Variants in TNFRSF8 observed in about 807,000 individuals in gnomAD.
TNFRSF8 encodes tumor necrosis factor receptor superfamily member 8.
A neutral mutation model predicts 70.8 loss-of-function variants in TNFRSF8; 26 were observed. That is an observed-to-expected ratio of 0.37 (90% CI 0.27 to 0.51). TNFRSF8 has a LOEUF of 0.51. Among genes scored for constraint, TNFRSF8 ranks in the 20% least tolerant of loss-of-function variants. The probability of loss-of-function intolerance (pLI) is 0.94; values close to 1 mark genes in which losing one functional copy is unlikely to be tolerated. For missense variants in TNFRSF8, 720 were observed against 807.9 expected (o/e 0.89, Z 1.32); for synonymous variants, 356 against 339.2 (o/e 1.05, Z -0.54).
chr1:12,097,265 G>A (rs746909715), intron 3 of TNFRSF8, 48 bp downstream of exon 3: 2 of 1,439,862 alleles, frequency 1.4e-6, no homozygotes, highest in South Asian at 1.1e-5. Context: ...GGAGCATGAG[G>A]GGTCCTCAGA....
Position 12,109,417 on chromosome 1 carries a change from ACGGGTGCCAGG to A in TNFRSF8, c.422-139_422-129del. ...ATAGGCTGCTTTACTCTGAAGGGGA[ACGGGTGCCAGG>A]CGGGTGCCACCTCCAGATGACTGCT... On this transcript the variant is annotated intron_variant, in intron 4 of 14. Transcript: ENST00000263932. This position sits in a 1 kb window ranked among gnomAD's most constrained non-coding sequence, Gnocchi z 4.4. The A allele has an allele frequency of 1.6e-6, 1 of 611,530 alleles. No homozygotes were observed. Among genetic ancestry groups the A allele is most frequent in the Non-Finnish European group, 2.9e-6 (1 of 343,112 alleles). The allele number at this position is 611,530 out of a possible 1,614,324, so 37.9% of individuals were successfully genotyped here.
chr1:12,110,242 G>A lies in TNFRSF8; in HGVS notation c.676+38G>A, dbSNP rs1463646855. Reference sequence around the variant, plus strand: ...TGAAGCTGTGGGTCGTCTCCCTGGGGTGCTCGATTGGTGGATGGCCCATGA... The same window carrying A: ...TGAAGCTGTGGGTCGTCTCCCTGGGATGCTCGATTGGTGGATGGCCCATGA... On this transcript the variant is annotated intron_variant, in intron 6 of 14. Transcript: ENST00000263932. This position sits in a 1 kb window ranked among gnomAD's most constrained non-coding sequence, Gnocchi z 4.0. The A allele has an allele frequency of 6.5e-7, 1 of 1,534,702 alleles. No homozygotes were observed.
intron 2 of TNFRSF8, among the ~76,000 whole-genome samples, chr1:12,094,058 CAAA>C (rs778868213): frequency 2.5e-4 from 21 of 84,684 alleles, no homozygotes; most frequent in African/African-American, 5.7e-4. Flanking sequence ...GACTTTGTCT[CAAA>C]AAAAAAAAAA....
intron 1 of TNFRSF8, among the ~76,000 whole-genome samples, chr1:12,070,543 T>G (rs1640824362): frequency 6.6e-6 from 1 of 152,200 alleles, no homozygotes; most frequent in South Asian, 2.1e-4. Flanking sequence ...CAGTTTGGTC[T>G]CAAACTCCCA....
intron 13 of TNFRSF8, among the ~76,000 whole-genome samples, chr1:12,136,446 C>T (rs546708930): frequency 3.3e-5 from 5 of 151,906 alleles, no homozygotes; most frequent in Admixed American, 3.3e-4. Flanking sequence ...GTCAGGAGTT[C>T]GAGACCAGCC....
In TNFRSF8 at chr1:12,115,842, G is replaced by A. The variant is rs1023273581; in HGVS notation, c.946+113G>A. 3.4e-6 allele frequency: 4 copies of A among 1,178,240 alleles called. No homozygotes were observed. The African/African-American group carries it at 4.7e-5, about 14-fold the overall frequency. The allele number at this position is 1,178,240 out of a possible 1,614,324, so 73.0% of individuals were successfully genotyped here. Reference sequence around the variant, plus strand: ...AGGCAAATGACCTACACCCTCGGCTGTTCATTAGGTCAGGTTTGGGTTCTG... The same window carrying A: ...AGGCAAATGACCTACACCCTCGGCTATTCATTAGGTCAGGTTTGGGTTCTG... On this transcript the variant is annotated intron_variant, in intron 8 of 14. Coordinates refer to ENST00000263932, the MANE Select transcript of TNFRSF8 (RefSeq NM_001243.5).
At position 12,143,073 on chromosome 1, in the gene TNFRSF8, A is replaced by ACC; in HGVS notation, c.*542_*543insCC. 6.5e-6 allele frequency: 1 copy of ACC among 154,384 alleles called. No individual in the cohort carries two copies. Among genetic ancestry groups the ACC allele is most frequent in the South Asian group, 1.9e-4 (1 of 5,162 alleles). The allele number at this position is 154,384 out of a possible 1,614,324, so 9.6% of individuals were successfully genotyped here. A position where few individuals can be genotyped will look rare whatever the true frequency, so the allele number is the denominator to read the frequency against. On this transcript the variant is annotated 3_prime_UTR_variant, in exon 15 of 15. Coordinates refer to ENST00000263932, the MANE Select transcript of TNFRSF8 (RefSeq NM_001243.5). This position sits in a 1 kb window ranked among gnomAD's most constrained non-coding sequence, Gnocchi z 4.1. ...GGTTGTTTCTCCAGAGTCAAAAGGG[A>ACC]AGTCGAGGGATGGGGCGTCGTCAGC...
chr1:12,066,189 G>T, intron 1 of TNFRSF8, among the ~76,000 whole-genome samples: 1 of 152,042 alleles, frequency 6.6e-6, no homozygotes, highest in Non-Finnish European at 1.5e-5. Context: ...TCATTTCTTG[G>T]CAGGAGTCAG....
intron 1 of TNFRSF8, among the ~76,000 whole-genome samples, chr1:12,078,687 A>G (rs1030257751): frequency 6.6e-6 from 1 of 152,154 alleles, no homozygotes; most frequent in African/African-American, 2.4e-5. Context: ...GCACGTGCCA[A>G]ATCCTGGCCC....
intron 14 of TNFRSF8, among the ~76,000 whole-genome samples, chr1:12,140,322 A>T (rs1227725120): frequency 6.6e-6 from 1 of 152,168 alleles, no homozygotes; most frequent in Non-Finnish European, 1.5e-5. Flanking sequence ...ATGCCAGCCC[A>T]GGGTAGCGTT....
rs952025940 is a variant in TNFRSF8 at position 12,115,430 on chromosome 1, A to T, written c.794-147A>T. 3.0e-5 allele frequency: 26 copies of T among 873,504 alleles called. No homozygotes were observed. In the African/African-American group the frequency reaches 3.2e-4, roughly 11 times the overall value. The allele number at this position is 873,504 out of a possible 1,614,324, so 54.1% of individuals were successfully genotyped here. ...AGAATTATTTTGAGCATGCTGGGAGAGCTGCTCAACGGCATAGTCAGACGA... is the reference window on the plus strand; with the variant it reads ...AGAATTATTTTGAGCATGCTGGGAGTGCTGCTCAACGGCATAGTCAGACGA... On this transcript the variant is annotated intron_variant, in intron 7 of 14. Transcript: ENST00000263932.
intron 8 of TNFRSF8, among the ~76,000 whole-genome samples, chr1:12,118,255 C>T (rs1377570586): frequency 2.0e-5 from 3 of 152,016 alleles, no homozygotes; most frequent in Admixed American, 1.3e-4. Context: ...GGATTACAGG[C>T]GTGCACCACC....
chr1:12,108,145 C>A lies in TNFRSF8; in HGVS notation c.422-1421C>A, dbSNP rs952569541. On this transcript the variant is annotated intron_variant, in intron 4 of 14. Coordinates refer to ENST00000263932, the MANE Select transcript of TNFRSF8 (RefSeq NM_001243.5). This position sits in a 1 kb window ranked among gnomAD's most constrained non-coding sequence, Gnocchi z 4.0. ...CCAGACTAGAGTGCAATGGTGTGAT[C>A]TCAGCTCACTGCAACCTCTGCCTCC... Among the ~76,000 whole-genome samples the A allele has an allele frequency of 1.3e-5, 2 of 150,218 alleles. No homozygotes were observed. The highest frequency in any genetic ancestry group is 3.0e-5 in the Non-Finnish European group (2 of 67,774).
chr1:12,105,451 C>T (rs1206436600), intron 4 of TNFRSF8, among the ~76,000 whole-genome samples: 2 of 152,056 alleles, frequency 1.3e-5, no homozygotes, highest in East Asian at 1.9e-4. Context: ...ACCTTCTCAC[C>T]CCGAATACCT....
rs915782375 is a variant in TNFRSF8, at chr1:12,142,184, C to T, written c.1544-103C>T. 14 of 1,442,032 alleles carry T rather than the reference C, an allele frequency of 9.7e-6. No individual in the cohort carries two copies. The highest frequency in any genetic ancestry group is 5.7e-5 in the African/African-American group (4 of 69,772). The allele number at this position is 1,442,032 out of a possible 1,614,324, so 89.3% of individuals were successfully genotyped here. A position where few individuals can be genotyped will look rare whatever the true frequency, so the allele number is the denominator to read the frequency against. On this transcript the variant is annotated intron_variant, in intron 14 of 14. Coordinates refer to ENST00000263932, the MANE Select transcript of TNFRSF8 (RefSeq NM_001243.5). The surrounding 1 kb of genome is among the most constrained non-coding windows in gnomAD (Gnocchi z 5.0). ...GCTGTGCCATCAGCCTGAAGCCACC[C>T]GGCAGGTGTACCAGCACTGGGCCTC...
intron 3 of TNFRSF8, among the ~76,000 whole-genome samples, chr1:12,103,325 A>G (rs924790144): frequency 1.3e-5 from 2 of 152,048 alleles, no homozygotes; most frequent in Admixed American, 6.6e-5. Context: ...ATTGCACTCC[A>G]ACCTGGGTGA....
chr1:12,100,979 T>C (rs1443307272), intron 3 of TNFRSF8, among the ~76,000 whole-genome samples: 2 of 150,676 alleles, frequency 1.3e-5, no homozygotes, highest in Admixed American at 6.6e-5. Flanking sequence ...AAAAGAATCC[T>C]GTCCCATTGG....
chr1:12,104,299 C>CT (rs1275394941), intron 3 of TNFRSF8, 80 bp from the exon 4 acceptor site: 1 of 1,536,590 alleles, frequency 6.5e-7, no homozygotes, highest in African/African-American at 1.4e-5. Context: ...TGCACCTGCC[C>CT]TCTCCCCCTC....
chr1:12,092,997 G>T (rs965407851), intron 2 of TNFRSF8, among the ~76,000 whole-genome samples: 3 of 151,802 alleles, frequency 2.0e-5, no homozygotes, highest in Non-Finnish European at 4.4e-5. Flanking sequence ...GTAGAGACGG[G>T]GTTTCGCTAT....
Sources: allele counts gnomAD v4.1 joint callset (sites outside exome capture counted in the v4.1 genomes callset), GRCh38; gene constraint gnomAD v4.1.1; non-coding constraint Gnocchi (gnomAD v3.1); transcripts MANE v1.5; gene names NCBI Gene and HGNC (gene_info 2026-07-23, HGNC 2026-07-21).